The following COG7 variants were observed in gnomAD, a reference collection of about 807,000 sequenced individuals.
COG7 encodes the protein conserved oligomeric Golgi complex subunit 7.
In COG7, 49 loss-of-function variants were observed where a neutral mutation model predicts 91.5. The ratio of observed to expected loss-of-function variants is 0.54; its 90% CI spans 0.43 to 0.68. COG7 has a LOEUF of 0.68. COG7 is among the 30% of genes least tolerant of loss of function. The pLI, the probability that COG7 is intolerant of heterozygous loss-of-function variation, is 0.00. For missense variants in COG7, 895 were observed against 961.3 expected, an observed-to-expected ratio of 0.93 and a Z score of 0.91; for synonymous variants, 365 against 388.7, an observed-to-expected ratio of 0.94 and a Z score of 0.72.
chr16:23,434,697 T>C lies in COG7; in HGVS notation c.626A>G (p.Lys209Arg), dbSNP rs751672135. The C allele has an allele frequency of 3.7e-6, 6 of 1,612,732 alleles. No individual in the cohort carries two copies. Among genetic ancestry groups the C allele is most frequent in the Non-Finnish European group, 5.1e-6 (6 of 1,178,836 alleles). Residue 209 changes from lysine to arginine, a missense_variant, in exon 5 of 17, where the codon AAG (lysine) becomes AGG (arginine). Physicochemically the swap from Lys to Arg is conservative, Grantham distance 26 (BLOSUM62 2). Transcript: ENST00000307149. ...CATCCGGTCAATTTCAGTAAACACC[T>C]TCACAAACACTTTGGACTGATCTAA... ...QAVDQSKVFV[K>R]VFTEIDRMPQ...
Position 23,424,869 on chromosome 16 carries a change from A to G in COG7, c.889T>C (p.Cys297Arg), listed in dbSNP as rs1269304749. 2 of 1,614,130 alleles carry G rather than the reference A, an allele frequency of 1.2e-6. No homozygotes were observed. The highest frequency in any genetic ancestry group is 1.7e-6 in the Non-Finnish European group (2 of 1,180,052). Residue 297 changes from cysteine (C) to arginine (R), a missense_variant, in exon 7 of 17, where the codon TGC (cysteine) becomes CGC (arginine). Cys to Arg is a radical substitution (Grantham distance 180). Transcript: ENST00000307149. ...GCCCTCTCCACGCCGTTGCTGAGGC[A>G]GGAGGGCAGCGAGGGCATGAGGGCC... ...LGALMPSLPSCLSNGVERAGP... is the reference protein window; with the variant it reads ...LGALMPSLPSRLSNGVERAGP...
At chr16:23,442,736 C>T in intron 3 of COG7, 91 bp from the exon 4 acceptor site, 2 of 1,174,296 alleles carry the variant, frequency 1.7e-6, no homozygotes, top group Non-Finnish European at 2.5e-6. Context: ...GGCAACTCAT[C>T]AAGTATGAAA....
chr16:23,436,098 G>T (rs964366181), intron 4 of COG7, among the ~76,000 whole-genome samples: 2 of 152,036 alleles, frequency 1.3e-5, no homozygotes, highest in Admixed American at 1.3e-4. Flanking sequence ...TGGGCATGAT[G>T]TGCACCTGTA....
intron 14 of COG7, chr16:23,394,803 CTTTTTTCT>C (rs1229434365): frequency 6.7e-6 from 1 of 149,202 alleles, no homozygotes; most frequent in African/African-American, 2.5e-5. Context: ...TTCCTTTTTT[CTTTTTTCT>C]TTTTTTTTTT....
rs779765318 is a variant in COG7 at position 23,438,049 on chromosome 16, C to A, written c.605-3331G>T. On this transcript the variant is annotated intron_variant, in intron 4 of 16. Coordinates refer to ENST00000307149, the MANE Select transcript of COG7 (RefSeq NM_153603.4). ...GCAGCGAGCCGAGATCAAGCCACTG[C>A]ACTTCAGCCTGGAGACAGAGCAAGA... Among the ~76,000 whole-genome samples the A allele has an allele frequency of 3.0e-4, 43 of 143,430 alleles. 1 individual carries two copies. Among genetic ancestry groups the A allele is most frequent in the African/African-American group, 5.2e-5 (2 of 38,242 alleles). The allele number at this position is 143,430 out of a possible 152,430, so 94.1% of individuals were successfully genotyped here. A position where few individuals can be genotyped will look rare whatever the true frequency, so the allele number is the denominator to read the frequency against.
intron 6 of COG7, among the ~76,000 whole-genome samples, chr16:23,430,085 C>T (rs547680656): frequency 1.3e-5 from 2 of 152,206 alleles, no homozygotes; most frequent in African/African-American, 4.8e-5. Context: ...GATTAGGCTA[C>T]CCAGGTATTT....
chr16:23,416,834 T>C (rs1227028810), intron 9 of COG7, 133 bp downstream of exon 9: 5 of 1,021,838 alleles, frequency 4.9e-6, no homozygotes, highest in South Asian at 2.8e-5. Flanking sequence ...TGAATATCCT[T>C]AACAACATCC....
intron 1 of COG7, among the ~76,000 whole-genome samples, chr16:23,448,405 T>C (rs1034524365): frequency 6.6e-6 from 1 of 152,182 alleles, no homozygotes; most frequent in African/African-American, 2.4e-5. Context: ...CTCGAACTTC[T>C]AGGCTCAAGC....
intron 4 of COG7, among the ~76,000 whole-genome samples, chr16:23,438,117 TC>T (rs1380144409): frequency 2.7e-5 from 4 of 148,918 alleles, no homozygotes; most frequent in African/African-American, 7.4e-5. Flanking sequence ...AACTTGGGCA[TC>T]AAAAGATTTT....
chr16:23,391,063 A>C (rs1963187658), intron 16 of COG7, among the ~76,000 whole-genome samples: 1 of 152,202 alleles, frequency 6.6e-6, no homozygotes, highest in East Asian at 1.9e-4. Flanking sequence ...ATACCCTGTC[A>C]GTTTCATATA....
intron 1 of COG7, among the ~76,000 whole-genome samples, chr16:23,452,360 G>T (rs1475503915): frequency 6.6e-6 from 1 of 152,142 alleles, no homozygotes. Flanking sequence ...CCAGGAATTT[G>T]AATTTGAGAC....
intron 7 of COG7, among the ~76,000 whole-genome samples, chr16:23,423,798 G>A (rs996089254): frequency 3.9e-5 from 6 of 152,188 alleles, no homozygotes; most frequent in Non-Finnish European, 7.3e-5. Context: ...CATGCGTCAC[G>A]GGGTCTGTGT....
chr16:23,434,562 G>T, intron 5 of COG7, 74 bp downstream of exon 5: 1 of 1,127,222 alleles, frequency 8.9e-7, no homozygotes, highest in Non-Finnish European at 1.3e-6. Context: ...TCTGAATTAT[G>T]AACCTGCGAT....
At chr16:23,401,324 C>T (rs1963373194) in intron 13 of COG7, among the ~76,000 whole-genome samples, 1 of 152,156 alleles carries the variant, frequency 6.6e-6, no homozygotes, top group Non-Finnish European at 1.5e-5. Flanking sequence ...AAGCCACCTG[C>T]GCCCATTCCC....
At chr16:23,445,650 C>T (rs1964169053) in intron 2 of COG7, among the ~76,000 whole-genome samples, 163 bp downstream of exon 2, 1 of 151,874 alleles carries the variant, frequency 6.6e-6, no homozygotes. Flanking sequence ...CAGAGCGACA[C>T]TCTGTCTCAA....
In COG7 at chr16:23,442,633, T is replaced by C; in HGVS notation, c.448A>G (p.Ile150Val). 1 of 1,613,648 alleles carries C rather than the reference T, an allele frequency of 6.2e-7. No homozygotes were observed. Among genetic ancestry groups the C allele is most frequent in the Non-Finnish European group, 8.5e-7 (1 of 1,179,564 alleles). Residue 150 changes from isoleucine (I) to valine (V), a missense_variant, in exon 4 of 17, where the codon ATT (isoleucine) becomes GTT (valine). Physicochemically the swap from Ile to Val is conservative, Grantham distance 29 (BLOSUM62 3). Coordinates refer to ENST00000307149, the MANE Select transcript of COG7 (RefSeq NM_153603.4). Reference sequence around the variant, plus strand: ...TGCATACCTGTTAGCTTGGCAGAAATCACAGCTATGTCCTAGAAAAGACCA... The same window carrying C: ...TGCATACCTGTTAGCTTGGCAGAAACCACAGCTATGTCCTAGAAAAGACCA... Reference protein sequence around the residue: ...ETFKTQDIAVISAKLTGMQNS... With the variant: ...ETFKTQDIAVVSAKLTGMQNS...
chr16:23,433,783 A>G (rs1963971060), intron 5 of COG7, 116 bp from the exon 6 acceptor site: 1 of 1,161,842 alleles, frequency 8.6e-7, no homozygotes. Context: ...CTCACTGGGC[A>G]GCCCAGTGAG....
chr16:23,452,872 C>T lies in COG7; in HGVS notation c.123G>A (p.Val41=), dbSNP rs749232479. The change falls in exon 1 of 17, where the codon GTG becomes GTA. Residue 41 remains valine (V), a synonymous_variant. Coordinates refer to ENST00000307149, the MANE Select transcript of COG7 (RefSeq NM_153603.4). ...GKADGHAATL[V]MKLQLFIQEV... is the part of the protein sequence containing the mutation. ...CTTGGATGAACAGCTGCAGCTTCATCACCAGGGTGGCTGCGTGGCCATCCG... is the reference window on the plus strand; with the variant it reads ...CTTGGATGAACAGCTGCAGCTTCATTACCAGGGTGGCTGCGTGGCCATCCG... 40 of 1,613,820 alleles carry T rather than the reference C, an allele frequency of 2.5e-5. No homozygotes were observed. The African/African-American group carries it at 5.1e-4, about 20-fold the overall frequency.
chr16:23,447,843 T>C (rs1964206230), intron 1 of COG7, among the ~76,000 whole-genome samples: 1 of 151,802 alleles, frequency 6.6e-6, no homozygotes, highest in African/African-American at 2.4e-5. Context: ...GAGGTTGCAG[T>C]GAGTTGAGAT....
Sources: allele counts gnomAD v4.1 joint callset (sites outside exome capture counted in the v4.1 genomes callset), GRCh38; gene constraint gnomAD v4.1.1; transcripts MANE v1.5; gene names NCBI Gene and HGNC (gene_info 2026-07-23, HGNC 2026-07-21).